Variants in PTPDC1 observed in about 807,000 individuals in gnomAD.
The protein encoded by PTPDC1 is protein tyrosine phosphatase domain containing 1.
PTPDC1 carries 53 observed loss-of-function variants against 75.3 expected under a neutral mutation model. The observed-to-expected ratio is 0.70, with a 90% CI of 0.56 to 0.88. The LOEUF is 0.88. Ranked by LOEUF, PTPDC1 falls within the 40% of genes least tolerant of loss-of-function variation. The pLI is 0.00. For missense variants in PTPDC1, 925 were observed against 998.6 expected (o/e 0.93, Z 0.99); for synonymous variants, 349 against 366.2 (o/e 0.95, Z 0.54).
At chr9:94,052,289 A>G (rs1825814839) in intron 1 of PTPDC1, among the ~76,000 whole-genome samples, 1 of 152,086 alleles carries the variant, frequency 6.6e-6, no homozygotes, top group Admixed American at 6.5e-5. Flanking sequence ...ACTATCTTTC[A>G]GTTATTGATT....
chr9:94,064,853 C>A (rs751921577), intron 2 of PTPDC1: 2 of 1,494,730 alleles, frequency 1.3e-6, no homozygotes, highest in South Asian at 2.3e-5. Context: ...TTTTGTCTCT[C>A]TGTGCAAGCT....
chr9:94,031,303 G>C (rs1829721883), intron 1 of PTPDC1, among the ~76,000 whole-genome samples: 2 of 152,102 alleles, frequency 1.3e-5, no homozygotes, highest in African/African-American at 4.8e-5. Context: ...ATGTCTGCAG[G>C]GACCAGGCTG....
At chr9:94,098,686 C>T (rs144384026) in intron 6 of PTPDC1, 107 bp downstream of exon 6, 128 of 963,474 alleles carry the variant, frequency 1.3e-4, no homozygotes, top group African/African-American at 1.3e-3. Flanking sequence ...TGTGAAGATA[C>T]GTTTGCATAA....
intron 1 of PTPDC1, among the ~76,000 whole-genome samples, chr9:94,058,774 A>C (rs548481526): frequency 2.0e-5 from 3 of 152,226 alleles, no homozygotes; most frequent in Admixed American, 2.0e-4. Context: ...AAATCACCTG[A>C]GGTCAGGAGT....
intron 4 of PTPDC1, among the ~76,000 whole-genome samples, chr9:94,092,603 T>C (rs1466084049): frequency 1.5e-4 from 22 of 151,252 alleles, no homozygotes; most frequent in Non-Finnish European, 2.2e-4. Flanking sequence ...ATTAGGTCTG[T>C]TTGGTGCAGA....
At chr9:94,073,051 G>A (rs1225494041) in intron 2 of PTPDC1, among the ~76,000 whole-genome samples, 1 of 152,124 alleles carries the variant, frequency 6.6e-6, no homozygotes, top group African/African-American at 2.4e-5. Context: ...GGTGGGAAAT[G>A]TTCCTTCTTC....
chr9:94,053,370 T>C (rs925364324), intron 1 of PTPDC1, among the ~76,000 whole-genome samples: 8 of 152,138 alleles, frequency 5.3e-5, no homozygotes, highest in African/African-American at 1.9e-4. Context: ...AAAAAGGAAT[T>C]TTATATAGTC....
At chr9:94,055,632 A>T (rs1825909147) in intron 1 of PTPDC1, among the ~76,000 whole-genome samples, 1 of 152,240 alleles carries the variant, frequency 6.6e-6, no homozygotes, top group Non-Finnish European at 1.5e-5. Context: ...ACCCTGTGAC[A>T]TTCTGGAAAA....
intron 6 of PTPDC1, among the ~76,000 whole-genome samples, chr9:94,099,070 A>T (rs1414952229): frequency 6.6e-6 from 1 of 152,252 alleles, no homozygotes; most frequent in Admixed American, 6.5e-5. Context: ...AGACTTGCCA[A>T]TCCTGCCCTA....
chr9:94,056,765 T>TTCTA (rs1825952347), intron 1 of PTPDC1, among the ~76,000 whole-genome samples: 1 of 152,238 alleles, frequency 6.6e-6, no homozygotes, highest in South Asian at 2.1e-4. Context: ...ATTCTTTGTG[T>TTCTA]TCTACTGTTC....
In PTPDC1 at chr9:94,079,167, G is replaced by A. The variant is rs118171222; in HGVS notation, c.83-6084G>A. 1.2e-3 allele frequency among the ~76,000 whole-genome samples: 179 copies of A among 152,220 alleles called. 1 individual carries two copies. Among genetic ancestry groups the A allele is most frequent in the Non-Finnish European group, 2.2e-3 (147 of 68,012 alleles). ...TTATTTGCCTGTCTATTTGATCAGA[G>A]ACTTGACTAGATCATCTTAGTGATG... is the stretch of plus-strand genomic sequence containing the variant. On this transcript the variant is annotated intron_variant, in intron 2 of 9. Transcript: ENST00000375360.
At chr9:94,034,138 T>TA (rs1829779212) in intron 1 of PTPDC1, among the ~76,000 whole-genome samples, 1 of 152,164 alleles carries the variant, frequency 6.6e-6, no homozygotes, top group Non-Finnish European at 1.5e-5. Context: ...GGTAAGAAAA[T>TA]ATGTTCCTCA....
At chr9:94,086,238 A>T (rs1827069515) in intron 2 of PTPDC1, among the ~76,000 whole-genome samples, 1 of 152,180 alleles carries the variant, frequency 6.6e-6, no homozygotes, top group East Asian at 1.9e-4. Flanking sequence ...ATTATTGTTC[A>T]CCACAGGTCA....
chr9:94,086,610 G>A (rs1024004378), intron 2 of PTPDC1, among the ~76,000 whole-genome samples: 2 of 152,136 alleles, frequency 1.3e-5, no homozygotes, highest in African/African-American at 4.8e-5. Flanking sequence ...TGAGAAATTT[G>A]AACAGAACAG....
chr9:94,060,696 G>A (rs1247913358), intron 1 of PTPDC1, among the ~76,000 whole-genome samples: 2 of 152,112 alleles, frequency 1.3e-5, no homozygotes, highest in African/African-American at 4.8e-5. Context: ...GAGGAAGGCA[G>A]GGGGAGGTGC....
Position 94,084,790 on chromosome 9 carries a change from T to C in PTPDC1, c.244+16T>C, listed in dbSNP as rs1319099833. 1 of 1,501,992 alleles carries C rather than the reference T, an allele frequency of 6.7e-7. No homozygotes were observed. Among genetic ancestry groups the C allele is most frequent in the Non-Finnish European group, 9.0e-7 (1 of 1,110,298 alleles). The allele number at this position is 1,501,992 out of a possible 1,614,324, so 93.0% of individuals were successfully genotyped here. A position where few individuals can be genotyped will look rare whatever the true frequency, so the allele number is the denominator to read the frequency against. The stretch of plus-strand genomic sequence containing the variant: ...AAAAGTAAAGGTCTCTTTCTTCTTA[T>C]AGATTGCCATACCTATGTATATAAG... On this transcript the variant is annotated intron_variant, in intron 1 of 8. Coordinates refer to ENST00000620992, the MANE Select transcript of PTPDC1 (RefSeq NM_001253829.2).
At chr9:94,102,305 T>C (rs1827868477) in intron 7 of PTPDC1, among the ~76,000 whole-genome samples, 1 of 151,658 alleles carries the variant, frequency 6.6e-6, no homozygotes, top group South Asian at 2.1e-4. Flanking sequence ...TATACATGTA[T>C]ATATAATTTT....
At chr9:94,058,842 T>A (rs909949725) in intron 1 of PTPDC1, among the ~76,000 whole-genome samples, 1 of 151,716 alleles carries the variant, frequency 6.6e-6, no homozygotes, top group African/African-American at 2.4e-5. Flanking sequence ...ACAAAAAAAA[T>A]TAGCTGGGCA....
At chr9:94,035,148 T>C (rs1179399335) in intron 1 of PTPDC1, among the ~76,000 whole-genome samples, 5 of 152,218 alleles carry the variant, frequency 3.3e-5, no homozygotes, top group Non-Finnish European at 7.3e-5. Flanking sequence ...TTAATTGGTG[T>C]TGTGACTGTG....
Sources: gnomAD v4.1 joint callset for allele counts (sites outside exome capture counted in the v4.1 genomes callset) on GRCh38, gnomAD v4.1.1 for gene constraint, MANE v1.5 for transcripts, NCBI Gene and HGNC (gene_info 2026-07-23, HGNC 2026-07-21) for gene names.